The following FGGY variants were observed in gnomAD, a reference collection of about 807,000 sequenced individuals.
The protein encoded by FGGY is FGGY carbohydrate kinase domain-containing protein.
Under a neutral mutation model 71.3 loss-of-function variants are expected in FGGY, and 72 were observed. That is an observed-to-expected ratio of 1.01 (90% confidence interval 0.84 to 1.23). The LOEUF is 1.23. FGGY is among the 50% of genes most tolerant of loss of function. The pLI is 0.00. For synonymous variants in FGGY, 251 were observed against 250.3 expected, an observed-to-expected ratio of 1.00 and a Z score of -0.02; for missense variants, 668 against 682.3, an observed-to-expected ratio of 0.98 and a Z score of 0.23.
intron 14 of FGGY, among the ~76,000 whole-genome samples, chr1:59,685,755 G>GTTATTATT (rs1166252204): frequency 3.3e-5 from 5 of 152,132 alleles, no homozygotes; most frequent in Admixed American, 2.0e-4. Context: ...GGACTAGGCA[G>GTTATTATT]TTATTATTAT....
At chr1:59,419,712 T>A (rs951661584) in intron 5 of FGGY, among the ~76,000 whole-genome samples, 1 of 152,188 alleles carries the variant, frequency 6.6e-6, no homozygotes, top group African/African-American at 2.4e-5. Flanking sequence ...TACTAATTGA[T>A]GATTTTAGGT....
chr1:59,635,651 T>C (rs1436194257), intron 10 of FGGY, among the ~76,000 whole-genome samples: 2 of 152,106 alleles, frequency 1.3e-5, no homozygotes, highest in South Asian at 2.1e-4. Context: ...CTAGAAAAGA[T>C]GTTCTCAAGG....
chr1:59,613,618 G>A (rs1270362206), intron 9 of FGGY, among the ~76,000 whole-genome samples: 1 of 152,134 alleles, frequency 6.6e-6, no homozygotes, highest in South Asian at 2.1e-4. Context: ...ACATTCAAAA[G>A]CTAGCAGAAG....
intron 7 of FGGY, among the ~76,000 whole-genome samples, chr1:59,537,163 A>C (rs1472656214): frequency 6.7e-6 from 1 of 150,274 alleles, no homozygotes; most frequent in Non-Finnish European, 1.5e-5. Context: ...AGGATACAAA[A>C]TCAATGTGCA....
chr1:59,493,619 T>C (rs2093946377), intron 6 of FGGY, among the ~76,000 whole-genome samples: 1 of 152,148 alleles, frequency 6.6e-6, no homozygotes, highest in South Asian at 2.1e-4. Context: ...GAATGATAGT[T>C]ACCAGGGATT....
At chr1:59,407,278 C>A (rs74087460) in intron 5 of FGGY, among the ~76,000 whole-genome samples, 3 of 152,036 alleles carry the variant, frequency 2.0e-5, no homozygotes, top group Non-Finnish European at 4.4e-5. Flanking sequence ...CTTCCCTGTC[C>A]CCTGGGTAGA....
At chr1:59,378,599 A>G (rs2058963840) in intron 4 of FGGY, 150 bp from the exon 5 acceptor site, 2 of 604,644 alleles carry the variant, frequency 3.3e-6, no homozygotes, top group South Asian at 4.1e-5. Flanking sequence ...TACTGCTTTT[A>G]TATTATTCCT....
At chr1:59,554,092 A>G in intron 7 of FGGY, 32 bp from the exon 8 acceptor site, 1 of 1,519,072 alleles carries the variant, frequency 6.6e-7, no homozygotes, top group Non-Finnish European at 9.1e-7. Context: ...TATGTGTTAA[A>G]GAGGATTTGT....
At chr1:59,660,328 A>C in intron 12 of FGGY, 35 bp downstream of exon 12, 1 of 1,565,242 alleles carries the variant, frequency 6.4e-7, no homozygotes. Context: ...AAAGAGACTT[A>C]GAGCCATCAG....
chr1:59,379,685 C>G (rs2153338950), intron 5 of FGGY, among the ~76,000 whole-genome samples: 1 of 152,212 alleles, frequency 6.6e-6, no homozygotes, highest in South Asian at 2.1e-4. Flanking sequence ...ACATTTTTTA[C>G]TTCATAAACT....
At chr1:59,667,137 A>T in intron 12 of FGGY, 146 bp from the exon 13 acceptor site, 1 of 1,035,906 alleles carries the variant, frequency 9.7e-7, no homozygotes. Flanking sequence ...GATCATAGAC[A>T]ACATAATCTC....
Position 59,638,292 on chromosome 1 carries a change from GGTTTC to G in FGGY, c.1139_1143del (p.Gly380AlafsTer4). On this transcript the variant is annotated frameshift_variant, in exon 11 of 16. Coordinates refer to ENST00000303721, the MANE Select transcript of FGGY (RefSeq NM_018291.5). LOFTEE classifies it high-confidence loss of function. ...TCTGATTAAGAAGGCTCAGCCTGTG[GGTTTC>G]CTTACTGTTGATTTACATGTTTGGC... 1.2e-6 allele frequency: 2 copies of G among 1,614,194 alleles called. No homozygotes were observed. Among genetic ancestry groups the G allele is most frequent in the Non-Finnish European group, 1.7e-6 (2 of 1,180,028 alleles).
intron 8 of FGGY, among the ~76,000 whole-genome samples, chr1:59,591,237 G>A (rs540774521): frequency 3.3e-5 from 5 of 152,208 alleles, no homozygotes; most frequent in Non-Finnish European, 5.9e-5. Context: ...TACAAGGGAT[G>A]TGAAGGACCT....
intron 14 of FGGY, among the ~76,000 whole-genome samples, chr1:59,723,991 C>A (rs765753714): frequency 6.7e-6 from 1 of 149,420 alleles, no homozygotes; most frequent in South Asian, 2.1e-4. Context: ...GGCAAAACCC[C>A]GTCTCTACTA....
At chr1:59,331,947 A>G (rs1460813048) in intron 2 of FGGY, 1 of 152,288 alleles carries the variant, frequency 6.6e-6, no homozygotes, top group East Asian at 1.9e-4. Context: ...AGTACCTGCC[A>G]CTCAGAACTC....
intron 4 of FGGY, among the ~76,000 whole-genome samples, chr1:59,372,450 A>G (rs2057839903): frequency 6.6e-6 from 1 of 152,308 alleles, no homozygotes; most frequent in East Asian, 1.9e-4. Flanking sequence ...CCAGGACCAG[A>G]TGGATTCACA....
At chr1:59,543,738 C>G (rs1291304430) in intron 7 of FGGY, among the ~76,000 whole-genome samples, 1 of 151,802 alleles carries the variant, frequency 6.6e-6, no homozygotes, top group Non-Finnish European at 1.5e-5. Flanking sequence ...TTCTAAAGAA[C>G]CTGTCCTGTC....
intron 7 of FGGY, among the ~76,000 whole-genome samples, chr1:59,538,863 G>A (rs1407576318): frequency 1.8e-5 from 2 of 108,554 alleles, no homozygotes; most frequent in Admixed American, 2.4e-4. Flanking sequence ...GGGGAGGGGG[G>A]AGGGATAGCA....
chr1:59,542,776 A>G (rs528830573), intron 7 of FGGY, among the ~76,000 whole-genome samples: 211 of 151,778 alleles, frequency 1.4e-3, no homozygotes, highest in Non-Finnish European at 2.3e-3. Flanking sequence ...TTAAATCATC[A>G]TTTCCCTTTT....
Sources: gnomAD v4.1 joint callset for allele counts (sites outside exome capture counted in the v4.1 genomes callset) on GRCh38, gnomAD v4.1.1 for gene constraint, MANE v1.5 for transcripts, NCBI Gene and HGNC (gene_info 2026-07-23, HGNC 2026-07-21) for gene names.